DHX57: variants seen among roughly 807,000 people sequenced by gnomAD.
The protein encoded by DHX57 is putative ATP-dependent RNA helicase DHX57.
Under a neutral mutation model 156.2 loss-of-function variants are expected in DHX57, and 105 were observed. The observed-to-expected ratio is 0.67, with a 90% CI of 0.57 to 0.79. The LOEUF (loss-of-function observed/expected upper bound fraction) is 0.79, where lower values mean the gene tolerates loss of function less well. Ranked by LOEUF, DHX57 falls within the 30% of genes least tolerant of loss-of-function variation. The pLI is 0.00. For missense variants in DHX57, 1,847 were observed against 1,661.9 expected, an observed-to-expected ratio of 1.11 and a Z score of -1.94; for synonymous variants, 704 against 595.6, an observed-to-expected ratio of 1.18 and a Z score of -2.65.
intron 19 of DHX57, 96 bp from the exon 20 acceptor site, chr2:38,815,751 G>T: frequency 6.7e-7 from 1 of 1,495,574 alleles, no homozygotes. Flanking sequence ...ATTATTTCAG[G>T]GGGTAGCAAT....
chr2:38,809,605 G>A (rs1055952719), intron 21 of DHX57, among the ~76,000 whole-genome samples: 24 of 151,524 alleles, frequency 1.6e-4, no homozygotes, highest in African/African-American at 5.8e-4. Context: ...GGGACAACAG[G>A]CACCCGCCAC....
In DHX57 at chr2:38,813,902, G is replaced by T; in HGVS notation, c.3607-7C>A. 3.1e-6 allele frequency: 5 copies of T among 1,612,308 alleles called. No individual in the cohort carries two copies. The highest frequency in any genetic ancestry group is 4.2e-6 in the Non-Finnish European group (5 of 1,178,776). Reference sequence around the variant, plus strand: ...TCTCAGCATTTGAGTTTGCCTATGAGAAAAGCACAGCATTAATTAACAAGT... The same window carrying T: ...TCTCAGCATTTGAGTTTGCCTATGATAAAAGCACAGCATTAATTAACAAGT... On this transcript the variant is annotated splice_polypyrimidine_tract_variant and splice_region_variant and intron_variant, in intron 20 of 23. Transcript: ENST00000457308.
intron 12 of DHX57, 70 bp downstream of exon 12, chr2:38,842,935 C>T (rs900000811): frequency 2.5e-5 from 38 of 1,521,888 alleles, no homozygotes; most frequent in South Asian, 9.4e-5. Context: ...TTTCTTCTTC[C>T]GAATCTTGGT....
Position 38,843,088 on chromosome 2 carries a change from A to C in DHX57, c.2342T>G (p.Leu781Arg). 1 of 1,614,196 alleles carries C rather than the reference A, an allele frequency of 6.2e-7. No individual in the cohort carries two copies. Among genetic ancestry groups the C allele is most frequent in the East Asian group, 2.2e-5 (1 of 44,886 alleles). Residue 781 changes from leucine to arginine, a missense_variant, in exon 12 of 24, where the codon CTT becomes CGT. Transcript: ENST00000457308. Reference protein sequence around the residue: ...EEVEEDLRLSLHLQDQDSVKD... With the variant: ...EEVEEDLRLSRHLQDQDSVKD... ...GACAGAATCCTGATCCTGGAGGTGA[A>C]GGGAGAGCCTTAGGTCTTCTTCCAC...
chr2:38,814,191 G>A (rs1331456088), intron 20 of DHX57, among the ~76,000 whole-genome samples: 1 of 152,132 alleles, frequency 6.6e-6, no homozygotes, highest in African/African-American at 2.4e-5. Context: ...GCCCACCTCA[G>A]CCTCTCAAAG....
At position 38,848,453 on chromosome 2, in the gene DHX57, A is replaced by T. The variant is rs374531023; in HGVS notation, c.2031-51T>A. On this transcript the variant is annotated intron_variant, in intron 9 of 23. Transcript: ENST00000457308. ...AGGATCAAACAAATTCAACACATGA[A>T]AATTAGTAACTTTTACTATATTTTG... 388 of 1,539,968 alleles carry T rather than the reference A, an allele frequency of 2.5e-4. 5 individuals carry two copies. The Middle Eastern group carries it at 8.9e-3, about 35-fold the overall frequency.
chr2:38,868,994 A>G lies in DHX57; in HGVS notation c.-6-583T>C, dbSNP rs141076163. ...TATTTGTATTTTTAGTAGAGATGGG[A>G]TTTCACCATGTTGGCCAGGCTGGTC... is the stretch of plus-strand genomic sequence containing the variant. On this transcript the variant is annotated intron_variant, in intron 1 of 23. Coordinates refer to ENST00000457308, the MANE Select transcript of DHX57 (RefSeq NM_198963.3). Among the ~76,000 whole-genome samples, 448 of 151,992 alleles carry G rather than the reference A, an allele frequency of 2.9e-3. 5 individuals carry two copies. The highest frequency in any genetic ancestry group is 0.01 in the Middle Eastern group (3 of 294).
chr2:38,834,582 G>C (rs1186480975), intron 13 of DHX57, among the ~76,000 whole-genome samples: 2 of 152,116 alleles, frequency 1.3e-5, no homozygotes, highest in African/African-American at 4.8e-5. Context: ...TGTGGTTCTT[G>C]TGCATTTTTC....
Position 38,858,724 on chromosome 2 carries a change from G to A in DHX57, c.1524C>T (p.Asp508=), listed in dbSNP as rs1445913865. 1 of 1,614,062 alleles carries A rather than the reference G, an allele frequency of 6.2e-7. No homozygotes were observed. The highest frequency in any genetic ancestry group is 2.2e-5 in the East Asian group (1 of 44,868). The change falls in exon 6 of 24, where the codon GAC becomes GAT. Residue 508 remains aspartate (D), a synonymous_variant. Transcript: ENST00000457308. ...CAGCATGTACTGACTTTGCCTGCCA[G>A]TCATATCTTTTGGAAATCTTTTTCT... ...NLKKKISKRY[D]WQAKSVHAEN...
At chr2:38,831,903 T>G (rs1469679904) in intron 13 of DHX57, among the ~76,000 whole-genome samples, 1 of 151,014 alleles carries the variant, frequency 6.6e-6, no homozygotes, top group Non-Finnish European at 1.5e-5. Context: ...ACACCTGTAG[T>G]CCCAGTTACT....
chr2:38,819,280 T>C, intron 17 of DHX57, 136 bp from the exon 18 acceptor site: 1 of 749,536 alleles, frequency 1.3e-6, no homozygotes, highest in Non-Finnish European at 2.2e-6. Context: ...GCTTAAGCAA[T>C]CCTCCTGCCT....
Position 38,819,078 on chromosome 2 carries a change from C to G in DHX57, c.3358G>C (p.Asp1120His). The part of the protein sequence containing the change: ...KKLEFAFANS[D>H]YLALLQAYKG... ...TACGCTTGTAGAAGGGCCAGATAAT[C>G]ACTGTTTGCGAATGCAAATTCCAGC... Residue 1120 changes from aspartate to histidine, a missense_variant, in exon 18 of 24, where the codon GAT becomes CAT. Physicochemically the swap from Asp to His is moderately conservative, Grantham distance 81. Coordinates refer to ENST00000457308, the MANE Select transcript of DHX57 (RefSeq NM_198963.3). 1 of 1,614,216 alleles carries G rather than the reference C, an allele frequency of 6.2e-7. No individual in the cohort carries two copies. Among genetic ancestry groups the G allele is most frequent in the Non-Finnish European group, 8.5e-7 (1 of 1,180,044 alleles).
At chr2:38,871,301 T>C (rs921445352) in intron 1 of DHX57, among the ~76,000 whole-genome samples, 9 of 152,176 alleles carry the variant, frequency 5.9e-5, no homozygotes, top group Non-Finnish European at 1.2e-4. Flanking sequence ...ATGTAATATA[T>C]TTGCCAATAA....
intron 21 of DHX57, chr2:38,811,664 G>A: frequency 8.6e-7 from 1 of 1,159,812 alleles, no homozygotes; most frequent in Non-Finnish European, 1.3e-6. Flanking sequence ...TAGCATCTGG[G>A]ATTGGAGGTG....
At chr2:38,838,569 T>G (rs1360949595) in intron 12 of DHX57, among the ~76,000 whole-genome samples, 1 of 152,178 alleles carries the variant, frequency 6.6e-6, no homozygotes, top group Non-Finnish European at 1.5e-5. Context: ...AAGCTTAAGT[T>G]CTGGAAACAA....
At chr2:38,811,206 G>A (rs530119622) in intron 21 of DHX57, 8 of 491,710 alleles carry the variant, frequency 1.6e-5, no homozygotes, top group Admixed American at 8.2e-5. Context: ...AGATCACTGC[G>A]GCCCTTGGAC....
At chr2:38,826,373 A>T in intron 15 of DHX57, 143 bp downstream of exon 15, 1 of 942,610 alleles carries the variant, frequency 1.1e-6, no homozygotes, top group Non-Finnish European at 1.6e-6. Flanking sequence ...CTACACAATC[A>T]TTCACACATC....
In DHX57 at chr2:38,872,990, A is replaced by G. The variant is rs369356185; in HGVS notation, c.-7+2797T>C. Among the ~76,000 whole-genome samples, 109 of 150,936 alleles carry G rather than the reference A, an allele frequency of 7.2e-4. No homozygotes were observed. In the South Asian group the frequency reaches 0.022, roughly 30 times the overall value. On this transcript the variant is annotated intron_variant, in intron 1 of 23. Coordinates refer to ENST00000457308, the MANE Select transcript of DHX57 (RefSeq NM_198963.3). ...ACTAGGTGATAAAAGAAACCTCAAT[A>G]CATTTTTTTTTTTTTAAGACAGAGT...
In DHX57 at chr2:38,843,067, G is replaced by A; in HGVS notation, c.2363C>T (p.Ser788Phe). 6.2e-7 allele frequency: 1 copy of A among 1,614,182 alleles called. No individual in the cohort carries two copies. Among genetic ancestry groups the A allele is most frequent in the Admixed American group, 1.7e-5 (1 of 60,022 alleles). Residue 788 changes from serine to phenylalanine, a missense_variant, in exon 12 of 24, where the codon TCT becomes TTT. By Grantham distance (155) the Ser-to-Phe change is radical (BLOSUM62 -2). Coordinates refer to ENST00000457308, the MANE Select transcript of DHX57 (RefSeq NM_198963.3). ...RLSLHLQDQD[S>F]VKDAVPDQQL... Reference sequence around the variant, plus strand: ...TTGATCTGGCACTGCATCTTTGACAGAATCCTGATCCTGGAGGTGAAGGGA... The same window carrying A: ...TTGATCTGGCACTGCATCTTTGACAAAATCCTGATCCTGGAGGTGAAGGGA...
Sources: allele counts gnomAD v4.1 joint callset (sites outside exome capture counted in the v4.1 genomes callset), GRCh38; gene constraint gnomAD v4.1.1; transcripts MANE v1.5; gene names NCBI Gene and HGNC (gene_info 2026-07-23, HGNC 2026-07-21).